SMARCA4: variants seen among roughly 807,000 people sequenced by gnomAD.
The protein encoded by SMARCA4 is SWI/SNF related BAF chromatin remodeling complex subunit ATPase 4, also known as SWI/SNF-related matrix-associated actin-dependent regulator of chromatin subfamily A member 4.
Under a neutral mutation model 193.9 loss-of-function variants are expected in SMARCA4, and 31 were observed. That is an observed-to-expected ratio of 0.16 (90% CI 0.12 to 0.22). The LOEUF is 0.22. Ranked by LOEUF, SMARCA4 falls within the 10% of genes least tolerant of loss-of-function variation. SMARCA4 has a pLI of 1.00. For missense variants in SMARCA4, 1,148 were observed against 2,296.0 expected (o/e 0.50, Z 10.22); for synonymous variants, 942 against 933.1 (o/e 1.01, Z -0.17).
At chr19:10,963,947 A>C (rs1288173931) in intron 1 of SMARCA4, among the ~76,000 whole-genome samples, 2 of 152,148 alleles carry the variant, frequency 1.3e-5, no homozygotes, top group Non-Finnish European at 2.9e-5. Context: ...AAAAGGAATA[A>C]AAATTAATTC....
chr19:11,016,836 T>C (rs767345376), intron 16 of SMARCA4, among the ~76,000 whole-genome samples: 17 of 152,182 alleles, frequency 1.1e-4, no homozygotes, highest in Non-Finnish European at 1.9e-4. Flanking sequence ...TTGAGGACTT[T>C]CTTGCTTTTT....
At chr19:11,011,146 A>T (rs1428708870) in intron 15 of SMARCA4, 1 of 166,724 alleles carries the variant, frequency 6.0e-6, no homozygotes, top group African/African-American at 2.4e-5. Flanking sequence ...TCCAGAGCTC[A>T]TTACAAGGCC....
At chr19:11,020,028 T>C (rs1267499626) in intron 18 of SMARCA4, among the ~76,000 whole-genome samples, 2 of 152,162 alleles carry the variant, frequency 1.3e-5, no homozygotes, top group Non-Finnish European at 2.9e-5. Context: ...CATGGGGCCT[T>C]GGCCAGACCA....
chr19:11,058,107 A>C lies in SMARCA4; in HGVS notation c.4425-148A>C. The C allele has an allele frequency of 4.7e-6, 1 of 214,524 alleles. No homozygotes were observed. Among genetic ancestry groups the C allele is most frequent in the Non-Finnish European group, 9.4e-6 (1 of 106,948 alleles). The allele number at this position is 214,524 out of a possible 1,614,324, so 13.3% of individuals were successfully genotyped here. A position where few individuals can be genotyped will look rare whatever the true frequency, so the allele number is the denominator to read the frequency against. On this transcript the variant is annotated intron_variant, in intron 30 of 34. Coordinates refer to ENST00000344626, the MANE Select transcript of SMARCA4 (RefSeq NM_003072.5). This position sits in a 1 kb window ranked among gnomAD's most constrained non-coding sequence, Gnocchi z 5.8. ...GGCAGCAAGAGCGAAACTCCGTCTC[A>C]AAAAAAAAAAAAGCGCATGTGCAAG... is the stretch of plus-strand genomic sequence containing the variant.
rs914286818 is a variant in SMARCA4 at position 11,041,641 on chromosome 19, A to G, written c.4424+81A>G. ...TGGCATCTGCACTCTGACTCTGCAC[A>G]CTCAGGCTTGGGCCGCTCACTCTTT... On this transcript the variant is annotated intron_variant, in intron 30 of 34. Transcript: ENST00000344626. This position sits in a 1 kb window ranked among gnomAD's most constrained non-coding sequence, Gnocchi z 5.6. The G allele has an allele frequency of 1.5e-6, 2 of 1,306,418 alleles. No individual in the cohort carries two copies. The highest frequency in any genetic ancestry group is 2.2e-6 in the Non-Finnish European group (2 of 922,928). The allele number at this position is 1,306,418 out of a possible 1,614,324, so 80.9% of individuals were successfully genotyped here.
chr19:10,989,896 C>T (rs1030097073), intron 7 of SMARCA4, among the ~76,000 whole-genome samples: 3 of 151,996 alleles, frequency 2.0e-5, no homozygotes, highest in Non-Finnish European at 4.4e-5. Flanking sequence ...CAGGGTTTCA[C>T]CATATTGGCC....
chr19:11,024,480 C>T (rs1397879160), intron 21 of SMARCA4, 42 bp downstream of exon 21: 1 of 1,303,722 alleles, frequency 7.7e-7, no homozygotes, highest in East Asian at 2.3e-5. Context: ...CACTGGGTGT[C>T]CAAGGCCGGC....
rs776699714 is a variant in SMARCA4, at chr19:11,041,265, C to T, written c.4171-42C>T. The T allele has an allele frequency of 1.3e-6, 2 of 1,573,766 alleles. No individual in the cohort carries two copies. Among genetic ancestry groups the T allele is most frequent in the Non-Finnish European group, 1.7e-6 (2 of 1,158,826 alleles). ...TGCGTCGCGGCCTCTGCTTGTCGAC[C>T]TGGGTGCTGGCTGTCCTATTTTACT... On this transcript the variant is annotated intron_variant, in intron 29 of 34. Transcript: ENST00000344626. This position sits in a 1 kb window ranked among gnomAD's most constrained non-coding sequence, Gnocchi z 5.6.
In SMARCA4 at chr19:11,041,738, AG is replaced by A. The variant is rs2075627462; in HGVS notation, c.4424+181del. 6.6e-6 allele frequency among the ~76,000 whole-genome samples: 1 copy of A among 152,186 alleles called. No homozygotes were observed. The highest frequency in any genetic ancestry group is 1.5e-5 in the Non-Finnish European group (1 of 68,032). On this transcript the variant is annotated intron_variant, in intron 30 of 34. Coordinates refer to ENST00000344626, the MANE Select transcript of SMARCA4 (RefSeq NM_003072.5). The surrounding 1 kb of genome is among the most constrained non-coding windows in gnomAD (Gnocchi z 5.6). The stretch of plus-strand genomic sequence containing the variant: ...CCCTGAGGAACATGCTTTCTGGAAC[AG>A]GGAAGCACACATGTATCTGCGGTGA...
intron 30 of SMARCA4, among the ~76,000 whole-genome samples, chr19:11,052,009 C>G (rs916780248): frequency 6.6e-6 from 1 of 152,070 alleles, no homozygotes; most frequent in Non-Finnish European, 1.5e-5. Flanking sequence ...GCAGGAGAAT[C>G]GCTTGAACCC....
At chr19:10,962,535 G>A (rs1370302675) in intron 1 of SMARCA4, among the ~76,000 whole-genome samples, 3 of 152,046 alleles carry the variant, frequency 2.0e-5, no homozygotes, top group African/African-American at 7.2e-5. Flanking sequence ...AAATCAGGGA[G>A]GGTGTGTAGG....
In SMARCA4 at chr19:11,034,396, G is replaced by A. The variant is rs1467560070; in HGVS notation, c.3951+196G>A. 5.9e-5 allele frequency among the ~76,000 whole-genome samples: 9 copies of A among 152,196 alleles called. No individual in the cohort carries two copies. The highest frequency in any genetic ancestry group is 5.9e-5 in the Non-Finnish European group (4 of 68,026). ...TCTCCTGAGGATGGCATCGGAGGGC[G>A]AGATGCACACCCAGCCTTCTGCATG... On this transcript the variant is annotated intron_variant, in intron 28 of 34. Coordinates refer to ENST00000344626, the MANE Select transcript of SMARCA4 (RefSeq NM_003072.5). This position sits in a 1 kb window ranked among gnomAD's most constrained non-coding sequence, Gnocchi z 7.0.
intron 8 of SMARCA4, 127 bp downstream of exon 8, chr19:10,991,450 G>C: frequency 1.4e-6 from 2 of 1,443,314 alleles, no homozygotes; most frequent in Non-Finnish European, 1.9e-6. Flanking sequence ...TTTGCTCATT[G>C]TAACAGTATT....
chr19:11,034,152 C>T lies in SMARCA4; in HGVS notation c.3903C>T (p.Thr1301=), dbSNP rs147314370. ...AAGACGAGGTGCCCGACGACGAGACCGTCAACCAGATGATCGCCCGGCACG... is the reference window on the plus strand; with the variant it reads ...AAGACGAGGTGCCCGACGACGAGACTGTCAACCAGATGATCGCCCGGCACG... ...KEEDEVPDDE[T]VNQMIARHEE... The change falls in exon 28 of 35, where the codon ACC becomes ACT. Residue 1301 remains threonine (T), a synonymous_variant. Coordinates refer to ENST00000344626, the MANE Select transcript of SMARCA4 (RefSeq NM_003072.5). This position sits in a 1 kb window ranked among gnomAD's most constrained non-coding sequence, Gnocchi z 7.0. The T allele has an allele frequency of 5.4e-5, 87 of 1,613,812 alleles. No homozygotes were observed. The African/African-American group carries it at 8.3e-4, about 15-fold the overall frequency.
At chr19:10,964,147 T>C (rs1016151958) in intron 1 of SMARCA4, among the ~76,000 whole-genome samples, 11 of 152,026 alleles carry the variant, frequency 7.2e-5, no homozygotes, top group South Asian at 2.1e-4. Context: ...TTCCAACATA[T>C]GTGTATTTAT....
intron 6 of SMARCA4, among the ~76,000 whole-genome samples, chr19:10,988,976 A>G (rs149879620): frequency 5.8e-4 from 89 of 152,308 alleles, no homozygotes; most frequent in African/African-American, 2.1e-3. Flanking sequence ...TGAGGTGTGC[A>G]GTTGAAATAG....
chr19:11,058,321 C>T lies in SMARCA4; in HGVS notation c.4491C>T (p.Tyr1497=), dbSNP rs755142737. The change falls in exon 31 of 35, where the codon TAC becomes TAT. Residue 1497 remains tyrosine, a synonymous_variant. Transcript: ENST00000344626. This position sits in a 1 kb window ranked among gnomAD's most constrained non-coding sequence, Gnocchi z 5.8. ...CCTCGCGAAAGGAGCTGCCCGAGTACTACGAGCTCATCCGCAAGCCCGTGG... is the reference window on the plus strand; with the variant it reads ...CCTCGCGAAAGGAGCTGCCCGAGTATTACGAGCTCATCCGCAAGCCCGTGG... ...QLPSRKELPE[Y]YELIRKPVDF... The T allele has an allele frequency of 2.7e-5, 43 of 1,613,464 alleles. No homozygotes were observed. The highest frequency in any genetic ancestry group is 3.1e-5 in the Non-Finnish European group (37 of 1,179,830).
chr19:11,041,635 C>T lies in SMARCA4; in HGVS notation c.4424+75C>T. Reference sequence around the variant, plus strand: ...CAGGCCTGGCATCTGCACTCTGACTCTGCACACTCAGGCTTGGGCCGCTCA... The same window carrying T: ...CAGGCCTGGCATCTGCACTCTGACTTTGCACACTCAGGCTTGGGCCGCTCA... On this transcript the variant is annotated intron_variant, in intron 30 of 34. Coordinates refer to ENST00000344626, the MANE Select transcript of SMARCA4 (RefSeq NM_003072.5). This position sits in a 1 kb window ranked among gnomAD's most constrained non-coding sequence, Gnocchi z 5.6. 2 of 1,348,826 alleles carry T rather than the reference C, an allele frequency of 1.5e-6. No individual in the cohort carries two copies. Among genetic ancestry groups the T allele is most frequent in the South Asian group, 2.4e-5 (2 of 83,068 alleles). 83.6% of individuals were successfully genotyped at this position (1,348,826 alleles called of 1,614,324 possible). A position where few individuals can be genotyped will look rare whatever the true frequency, so the allele number is the denominator to read the frequency against.
intron 1 of SMARCA4, among the ~76,000 whole-genome samples, chr19:10,966,452 C>G (rs2145440713): frequency 6.6e-6 from 1 of 151,540 alleles, no homozygotes; most frequent in South Asian, 2.1e-4. Context: ...ATTAGCCAAG[C>G]ATGGTGTTGC....
Sources: allele counts gnomAD v4.1 joint callset (sites outside exome capture counted in the v4.1 genomes callset), GRCh38; gene constraint gnomAD v4.1.1; non-coding constraint Gnocchi (gnomAD v3.1); transcripts MANE v1.5; gene names NCBI Gene and HGNC (gene_info 2026-07-23, HGNC 2026-07-21).